NXNL2: variants seen among roughly 807,000 people sequenced by gnomAD.
NXNL2 encodes nucleoredoxin-like protein 2.
A neutral mutation model predicts 11.1 loss-of-function variants in NXNL2; 7 were observed. The ratio of observed to expected loss-of-function variants is 0.63; its 90% CI spans 0.36 to 1.18. The LOEUF is 1.18. Among genes scored for constraint, NXNL2 ranks in the 50% most tolerant of loss-of-function variants. The probability of loss-of-function intolerance (pLI) is 0.02; values close to 1 mark genes in which losing one functional copy is unlikely to be tolerated. For missense variants in NXNL2, 233 were observed against 217.7 expected, an observed-to-expected ratio of 1.07 and a Z score of -0.44; for synonymous variants, 109 against 101.8, an observed-to-expected ratio of 1.07 and a Z score of -0.42.
chr9:88,542,285 TA>T (rs1829778474), intron 1 of NXNL2, among the ~76,000 whole-genome samples: 1 of 151,296 alleles, frequency 6.6e-6, no homozygotes, highest in African/African-American at 2.4e-5. Context: ...AAAAAATATA[TA>T]TTTTTTTATT....
chr9:88,579,081 A>T (rs1050325696), downstream of NXNL2, among the ~76,000 whole-genome samples: 3 of 152,220 alleles, frequency 2.0e-5, no homozygotes, highest in Admixed American at 6.5e-5. Context: ...ATATGGGGGC[A>T]CGCTGGCCAA....
downstream of NXNL2, among the ~76,000 whole-genome samples, chr9:88,580,699 G>A (rs560178589): frequency 2.8e-4 from 42 of 152,316 alleles, no homozygotes; most frequent in African/African-American, 9.9e-4. Context: ...CAGGGACTTA[G>A]CATTGATGCA....
At position 88,536,501 on chromosome 9, in the gene NXNL2, C is replaced by T. The variant is rs61382618; in HGVS notation, c.302+765C>T. 2.1e-3 allele frequency among the ~76,000 whole-genome samples: 322 copies of T among 152,158 alleles called. 1 individual carries two copies. The highest frequency in any genetic ancestry group is 7.3e-3 in the African/African-American group (302 of 41,506). On this transcript the variant is annotated intron_variant, in intron 1 of 1. Transcript: ENST00000375854. Reference sequence around the variant, plus strand: ...CTGTGGTCTCCTATGGTGTAAGAGTCCAGACTTAGGTTTAAAGCAGGCCTC... The same window carrying T: ...CTGTGGTCTCCTATGGTGTAAGAGTTCAGACTTAGGTTTAAAGCAGGCCTC...
rs144212221 is a variant in NXNL2, at chr9:88,544,906, C to T, written c.*359C>T. 1.9e-4 allele frequency: 187 copies of T among 989,500 alleles called. No individual in the cohort carries two copies. The African/African-American group carries it at 2.6e-3, about 14-fold the overall frequency. The allele number at this position is 989,500 out of a possible 1,614,324, so 61.3% of individuals were successfully genotyped here. Reference sequence around the variant, plus strand: ...TATATTTATTGATAACATTTTCTGGCGATCTGTTTATTTTAATGGTATGCT... The same window carrying T: ...TATATTTATTGATAACATTTTCTGGTGATCTGTTTATTTTAATGGTATGCT... On this transcript the variant is annotated 3_prime_UTR_variant, in exon 2 of 2. Coordinates refer to ENST00000375854, the MANE Select transcript of NXNL2 (RefSeq NM_001161625.2).
At chr9:88,583,279 G>T (rs529272820) in intron 1 of NXNL2, among the ~76,000 whole-genome samples, 1 of 152,360 alleles carries the variant, frequency 6.6e-6, no homozygotes, top group South Asian at 2.1e-4. Flanking sequence ...TGCTCGTGGA[G>T]ACCCACTCAG....
downstream of NXNL2, among the ~76,000 whole-genome samples, chr9:88,547,451 C>G (rs1174207903): frequency 6.6e-6 from 1 of 152,208 alleles, no homozygotes; most frequent in Non-Finnish European, 1.5e-5. Context: ...CACAAACACA[C>G]ACACAGACAC....
At chr9:88,571,401 G>A (rs1233377681) in intron 2 of NXNL2, among the ~76,000 whole-genome samples, 1 of 152,160 alleles carries the variant, frequency 6.6e-6, no homozygotes, top group Non-Finnish European at 1.5e-5. Flanking sequence ...ATCAGAGCTT[G>A]GAGCTATAGG....
chr9:88,549,032 A>G (rs980223525), downstream of NXNL2, among the ~76,000 whole-genome samples: 2 of 152,204 alleles, frequency 1.3e-5, no homozygotes, highest in African/African-American at 4.8e-5. Flanking sequence ...AGCCTCCAAA[A>G]CTGTGAGCAA....
At position 88,544,558 on chromosome 9, in the gene NXNL2, A is replaced by T. The variant is rs1829822242; in HGVS notation, c.*11A>T. The T allele has an allele frequency of 6.6e-7, 1 of 1,518,358 alleles. No homozygotes were observed. The highest frequency in any genetic ancestry group is 1.4e-5 in the African/African-American group (1 of 72,526). The allele number at this position is 1,518,358 out of a possible 1,614,324, so 94.1% of individuals were successfully genotyped here. Reference sequence around the variant, plus strand: ...AATTTCTCCGTTTGAAGTGGGAGGGACCTCAGAGGGCCAGGACAGGTGCTG... The same window carrying T: ...AATTTCTCCGTTTGAAGTGGGAGGGTCCTCAGAGGGCCAGGACAGGTGCTG... On this transcript the variant is annotated 3_prime_UTR_variant, in exon 2 of 2. Coordinates refer to ENST00000375854, the MANE Select transcript of NXNL2 (RefSeq NM_001161625.2).
In NXNL2 at chr9:88,556,100, C is replaced by T. The variant is rs546764592; in HGVS notation, c.303-14987C>T. Reference sequence around the variant, plus strand: ...CCCAAGCGGGTGTTACAGTGGGTCACAACTCTGGCTCAGGGAGTCCCGAGG... The same window carrying T: ...CCCAAGCGGGTGTTACAGTGGGTCATAACTCTGGCTCAGGGAGTCCCGAGG... On this transcript the variant is annotated intron_variant, in intron 1 of 2. Coordinates refer to the NXNL2 transcript ENST00000375855. Among the ~76,000 whole-genome samples, 3 of 152,328 alleles carry T rather than the reference C, an allele frequency of 2.0e-5. No individual in the cohort carries two copies. The South Asian group carries it at 6.2e-4, about 32-fold the overall frequency.
At chr9:88,537,024 G>A (rs1015201691) in intron 1 of NXNL2, among the ~76,000 whole-genome samples, 3 of 152,184 alleles carry the variant, frequency 2.0e-5, no homozygotes, top group African/African-American at 7.2e-5. Flanking sequence ...AGAGACGATG[G>A]CAGTATCATT....
At chr9:88,536,749 A>G (rs73652585) in intron 1 of NXNL2, among the ~76,000 whole-genome samples, 3,572 of 152,284 alleles carry the variant, frequency 0.023, 132 homozygotes, top group African/African-American at 0.081. Context: ...TATTCCCCCA[A>G]ACATGATTTT....
At chr9:88,553,172 G>A (rs1195591414) in intron 1 of NXNL2, among the ~76,000 whole-genome samples, 1 of 152,132 alleles carries the variant, frequency 6.6e-6, no homozygotes, top group Non-Finnish European at 1.5e-5. Context: ...CACAACCCAA[G>A]GCTACTCATC....
intron 1 of NXNL2, among the ~76,000 whole-genome samples, chr9:88,563,376 C>T (rs1263440445): frequency 6.6e-6 from 1 of 152,208 alleles, no homozygotes; most frequent in Admixed American, 6.5e-5. Flanking sequence ...CTCCTGACTT[C>T]CCATAGCTCA....
intron 1 of NXNL2, among the ~76,000 whole-genome samples, chr9:88,555,005 T>A (rs539416744): frequency 1.3e-5 from 2 of 152,234 alleles, no homozygotes; most frequent in Non-Finnish European, 2.9e-5. Flanking sequence ...ATCTTGGTTA[T>A]AGATTGACTG....
At chr9:88,564,761 T>C (rs1830143080) in intron 1 of NXNL2, among the ~76,000 whole-genome samples, 1 of 152,204 alleles carries the variant, frequency 6.6e-6, no homozygotes, top group South Asian at 2.1e-4. Context: ...TTATTTACCT[T>C]TCTCTTTCTC....
chr9:88,566,124 C>T (rs1409829395), intron 1 of NXNL2, among the ~76,000 whole-genome samples: 2 of 152,044 alleles, frequency 1.3e-5, no homozygotes, highest in Admixed American at 6.6e-5. Context: ...ATATTTTCTC[C>T]CATTGCATAG....
chr9:88,555,800 C>T (rs546297486), intron 1 of NXNL2, among the ~76,000 whole-genome samples: 10 of 152,334 alleles, frequency 6.6e-5, no homozygotes, highest in Non-Finnish European at 1.0e-4. Context: ...GTTCTTGCTA[C>T]TGTCCCAGAT....
chr9:88,561,539 C>G lies in NXNL2; in HGVS notation c.303-9548C>G, dbSNP rs531512433. On this transcript the variant is annotated intron_variant, in intron 1 of 2. Coordinates refer to the NXNL2 transcript ENST00000375855. The stretch of plus-strand genomic sequence containing the variant: ...TTCTGTCCCTCTAGGAGAACCCTGA[C>G]TAATACATGGGACAATGACACACAC... 7.2e-5 allele frequency among the ~76,000 whole-genome samples: 11 copies of G among 152,138 alleles called. No individual in the cohort carries two copies. The South Asian group carries it at 2.3e-3, about 32-fold the overall frequency.
Sources: allele counts gnomAD v4.1 joint callset (sites outside exome capture counted in the v4.1 genomes callset), GRCh38; gene constraint gnomAD v4.1.1; transcripts MANE v1.5; gene names NCBI Gene and HGNC (gene_info 2026-07-23, HGNC 2026-07-21).